The following ZNF197 variants were observed in gnomAD, a reference collection of about 807,000 sequenced individuals.
ZNF197 encodes VHL-associated KRAB-A domain-containing protein.
ZNF197 carries 14 observed loss-of-function variants against 27.4 expected under a neutral mutation model. That is an observed-to-expected ratio of 0.51 (90% confidence interval 0.34 to 0.80). ZNF197 has a LOEUF of 0.80. Among genes scored for constraint, ZNF197 ranks in the 30% least tolerant of loss-of-function variants. The pLI is 0.02. For missense variants in ZNF197, 1,090 were observed against 1,222.6 expected, an observed-to-expected ratio of 0.89 and a Z score of 1.62; for synonymous variants, 415 against 420.0, an observed-to-expected ratio of 0.99 and a Z score of 0.15.
rs1702965083 is a variant in ZNF197 at position 44,646,531 on chromosome 3, A to G, written c.*2311A>G. 2.2e-6 allele frequency: 3 copies of G among 1,387,764 alleles called. No individual in the cohort carries two copies. Among genetic ancestry groups the G allele is most frequent in the African/African-American group, 1.4e-5 (1 of 70,578 alleles). The allele number at this position is 1,387,764 out of a possible 1,614,324, so 86.0% of individuals were successfully genotyped here. A position where few individuals can be genotyped will look rare whatever the true frequency, so the allele number is the denominator to read the frequency against. ...GGAGGCAGAGGAACAAATAAAAGACACCACGAGAAACAGACACATCCAGAA... is the reference window on the plus strand; with the variant it reads ...GGAGGCAGAGGAACAAATAAAAGACGCCACGAGAAACAGACACATCCAGAA... On this transcript the variant is annotated 3_prime_UTR_variant, in exon 6 of 6. Coordinates refer to ENST00000344387, the MANE Select transcript of ZNF197 (RefSeq NM_006991.5).
At chr3:44,638,844 A>G (rs981028976) in intron 5 of ZNF197, among the ~76,000 whole-genome samples, 1 of 152,136 alleles carries the variant, frequency 6.6e-6, no homozygotes, top group African/African-American at 2.4e-5. Flanking sequence ...CTAGGACCAC[A>G]GGCACACACC....
chr3:44,645,847 C>G lies in ZNF197; in HGVS notation c.*1627C>G, dbSNP rs575279315. 4 of 985,316 alleles carry G rather than the reference C, an allele frequency of 4.1e-6. No homozygotes were observed. The highest frequency in any genetic ancestry group is 1.7e-5 in the African/African-American group (1 of 57,234). 61.0% of individuals were successfully genotyped at this position (985,316 alleles called of 1,614,324 possible). ...TGTGGGCAGTCAGTGCCCATTACCC[C>G]CTGTGAACCATTCTGTGCCCTTGAG... On this transcript the variant is annotated 3_prime_UTR_variant, in exon 6 of 6. Coordinates refer to ENST00000344387, the MANE Select transcript of ZNF197 (RefSeq NM_006991.5).
rs1169335256 is a variant in ZNF197 at position 44,647,976 on chromosome 3, A to G, written c.*3756A>G. 1 of 152,180 alleles carries G rather than the reference A, an allele frequency of 6.6e-6. No homozygotes were observed. The highest frequency in any genetic ancestry group is 2.1e-4 in the South Asian group (1 of 4,834). 9.4% of individuals were successfully genotyped at this position (152,180 alleles called of 1,614,324 possible). The stretch of plus-strand genomic sequence containing the variant: ...GATTTCCTTTTTCATTTTATGTAAG[A>G]TGTAACCATGAGGGGAAAGTGGGTG... On this transcript the variant is annotated 3_prime_UTR_variant, in exon 6 of 6. Transcript: ENST00000344387.
chr3:44,645,126 C>A lies in ZNF197; in HGVS notation c.*906C>A. ...TGGCCATGTGATGTTATTAAGTCAG[C>A]CTCTAAAGCTTTAGTTTCCTGTCAG... On this transcript the variant is annotated 3_prime_UTR_variant, in exon 6 of 6. Transcript: ENST00000344387. 1.0e-6 allele frequency: 1 copy of A among 970,174 alleles called. No individual in the cohort carries two copies. The highest frequency in any genetic ancestry group is 1.2e-6 in the Non-Finnish European group (1 of 816,152). 60.1% of individuals were successfully genotyped at this position (970,174 alleles called of 1,614,324 possible). A position where few individuals can be genotyped will look rare whatever the true frequency, so the allele number is the denominator to read the frequency against.
chr3:44,643,001 G>C lies in ZNF197; in HGVS notation c.1871G>C (p.Cys624Ser). The part of the protein sequence containing the change: ...RMHSREKPYK[C>S]TECGKAFTQS... ...CACAGCAGAGAGAAACCTTACAAAT[G>C]CACTGAATGTGGGAAAGCCTTTACT... The change falls in exon 6 of 6, where the codon TGC becomes TCC. Residue 624 changes from cysteine (C) to serine (S), a missense_variant. Coordinates refer to ENST00000344387, the MANE Select transcript of ZNF197 (RefSeq NM_006991.5). 1 of 1,614,050 alleles carries C rather than the reference G, an allele frequency of 6.2e-7. No homozygotes were observed.
chr3:44,646,799 A>G lies in ZNF197; in HGVS notation c.*2579A>G. ...TACTAAGAACCAGAAATAGACTCAC[A>G]TAAATGGCCAATTGATTTTTGACAG... On this transcript the variant is annotated 3_prime_UTR_variant, in exon 6 of 6. Coordinates refer to ENST00000344387, the MANE Select transcript of ZNF197 (RefSeq NM_006991.5). 2.7e-6 allele frequency: 1 copy of G among 374,122 alleles called. No homozygotes were observed. Among genetic ancestry groups the G allele is most frequent in the East Asian group, 4.8e-5 (1 of 20,968 alleles). 23.2% of individuals were successfully genotyped at this position (374,122 alleles called of 1,614,324 possible).
In ZNF197 at chr3:44,644,096, A is replaced by C; in HGVS notation, c.2966A>C (p.Asp989Ala). 1 of 1,614,160 alleles carries C rather than the reference A, an allele frequency of 6.2e-7. No individual in the cohort carries two copies. The highest frequency in any genetic ancestry group is 8.5e-7 in the Non-Finnish European group (1 of 1,180,022). ...IHTDEKPCEC[D>A]VSEKEFSQTS... The stretch of plus-strand genomic sequence containing the variant: ...ACAGATGAAAAACCTTGTGAATGTG[A>C]TGTGTCTGAAAAAGAATTCTCTCAG... The change falls in exon 6 of 6, where the codon GAT becomes GCT. Residue 989 changes from aspartate to alanine, a missense_variant. By Grantham distance (126) the Asp-to-Ala change is moderately radical. Coordinates refer to ENST00000344387, the MANE Select transcript of ZNF197 (RefSeq NM_006991.5).
intron 2 of ZNF197, among the ~76,000 whole-genome samples, chr3:44,629,896 C>G (rs1194776649): frequency 6.6e-6 from 1 of 152,120 alleles, no homozygotes. Context: ...TTCTATAATT[C>G]TGTTTGGAAT....
In ZNF197 at chr3:44,642,309, T is replaced by C; in HGVS notation, c.1179T>C (p.Thr393=). The change falls in exon 6 of 6, where the codon ACT becomes ACC. Residue 393 remains threonine (T), a synonymous_variant. Transcript: ENST00000344387. The part of the protein sequence containing the change: ...SHLINHRRIH[T]GEKPHKCKEC... ...TTATAAACCATCGGAGAATCCACAC[T>C]GGTGAGAAACCTCATAAATGTAAGG... The C allele has an allele frequency of 6.2e-7, 1 of 1,614,162 alleles. No homozygotes were observed. The highest frequency in any genetic ancestry group is 8.5e-7 in the Non-Finnish European group (1 of 1,180,020).
intron 5 of ZNF197, among the ~76,000 whole-genome samples, chr3:44,641,167 A>C (rs1349407557): frequency 2.6e-5 from 4 of 152,150 alleles, no homozygotes; most frequent in Non-Finnish European, 5.9e-5. Context: ...GGAACCTTGG[A>C]TATTAGTTTA....
chr3:44,631,037 G>C (rs777287877), intron 2 of ZNF197, 25 bp from the exon 3 acceptor site: 1 of 1,613,784 alleles, frequency 6.2e-7, no homozygotes, highest in South Asian at 1.1e-5. Flanking sequence ...AACAAGAAGA[G>C]CTAGCTTATT....
At chr3:44,625,476 C>T (rs1701592497) in intron 1 of ZNF197, among the ~76,000 whole-genome samples, 1 of 152,212 alleles carries the variant, frequency 6.6e-6, no homozygotes, top group Non-Finnish European at 1.5e-5. Context: ...TCAGTCTTGT[C>T]TGAGGCTAAT....
rs1349943991 is a variant in ZNF197, at chr3:44,642,784, T to G, written c.1654T>G (p.Tyr552Asp). Residue 552 changes from tyrosine (Y) to aspartate (D), a missense_variant, in exon 6 of 6, where the codon TAT (tyrosine) becomes GAT (aspartate). Physicochemically the swap from Tyr to Asp is radical, Grantham distance 160. Transcript: ENST00000344387. Reference sequence around the variant, plus strand: ...TGGAAAGACCTTTGCTCAGACCACTTATCTTATTGACCATCAGCGACTCCA... The same window carrying G: ...TGGAAAGACCTTTGCTCAGACCACTGATCTTATTGACCATCAGCGACTCCA... ...ECGKTFAQTTYLIDHQRLHSA... is the reference protein window; with the variant it reads ...ECGKTFAQTTDLIDHQRLHSA... 1.9e-6 allele frequency: 3 copies of G among 1,613,512 alleles called. No individual in the cohort carries two copies. Among genetic ancestry groups the G allele is most frequent in the Non-Finnish European group, 2.5e-6 (3 of 1,179,934 alleles).
Position 44,646,357 on chromosome 3 carries a change from AC to A in ZNF197, c.*2139del. 10 of 1,523,472 alleles carry A rather than the reference AC, an allele frequency of 6.6e-6. No individual in the cohort carries two copies. Among genetic ancestry groups the A allele is most frequent in the Non-Finnish European group, 8.8e-6 (10 of 1,136,548 alleles). The allele number at this position is 1,523,472 out of a possible 1,614,324, so 94.4% of individuals were successfully genotyped here. A position where few individuals can be genotyped will look rare whatever the true frequency, so the allele number is the denominator to read the frequency against. ...TTAACAATGGAGAATGCTGTGATTT[AC>A]CTCTTCACCGAGTAACAAAATGTCA... On this transcript the variant is annotated 3_prime_UTR_variant, in exon 6 of 6. Coordinates refer to ENST00000344387, the MANE Select transcript of ZNF197 (RefSeq NM_006991.5).
Position 44,646,797 on chromosome 3 carries a change from A to T in ZNF197, c.*2577A>T, listed in dbSNP as rs1224554017. The stretch of plus-strand genomic sequence containing the variant: ...GGTACTAAGAACCAGAAATAGACTC[A>T]CATAAATGGCCAATTGATTTTTGAC... On this transcript the variant is annotated 3_prime_UTR_variant, in exon 6 of 6. Transcript: ENST00000344387. 2.6e-6 allele frequency: 1 copy of T among 378,258 alleles called. No homozygotes were observed. Among genetic ancestry groups the T allele is most frequent in the African/African-American group, 2.1e-5 (1 of 47,906 alleles). The allele number at this position is 378,258 out of a possible 1,614,324, so 23.4% of individuals were successfully genotyped here.
chr3:44,631,857 C>T (rs752096254), intron 3 of ZNF197, among the ~76,000 whole-genome samples: 23 of 152,214 alleles, frequency 1.5e-4, no homozygotes, highest in African/African-American at 3.4e-4. Flanking sequence ...CGTGCCACCA[C>T]GCCCAGCTAA....
At chr3:44,626,292 C>T (rs577954324) in intron 1 of ZNF197, among the ~76,000 whole-genome samples, 1 of 152,160 alleles carries the variant, frequency 6.6e-6, no homozygotes, top group African/African-American at 2.4e-5. Context: ...CCAGCCCTCC[C>T]ACCCCCACCA....
intron 5 of ZNF197, among the ~76,000 whole-genome samples, chr3:44,632,900 A>C (rs1200927064): frequency 6.6e-6 from 1 of 152,008 alleles, no homozygotes; most frequent in East Asian, 1.9e-4. Flanking sequence ...AACTCTTTGC[A>C]GTTATTATCT....
intron 5 of ZNF197, among the ~76,000 whole-genome samples, chr3:44,634,646 C>T (rs915065167): frequency 1.3e-5 from 2 of 151,988 alleles, no homozygotes; most frequent in East Asian, 1.9e-4. Context: ...GACGGGGTTT[C>T]GCCATGTTGG....
Sources: allele counts gnomAD v4.1 joint callset (sites outside exome capture counted in the v4.1 genomes callset), GRCh38; gene constraint gnomAD v4.1.1; transcripts MANE v1.5; gene names NCBI Gene and HGNC (gene_info 2026-07-23, HGNC 2026-07-21).